Variants in SFMBT2 observed in about 807,000 individuals in gnomAD.
The protein encoded by SFMBT2 is scm-like with four MBT domains protein 2.
A neutral mutation model predicts 110.1 loss-of-function variants in SFMBT2; 38 were observed. The ratio of observed to expected loss-of-function variants is 0.35; its 90% CI spans 0.27 to 0.45. The LOEUF (loss-of-function observed/expected upper bound fraction) is 0.45. Among genes scored for constraint, SFMBT2 ranks in the 20% least tolerant of loss-of-function variants. The pLI is 1.00. For missense variants in SFMBT2, 1,011 were observed against 1,094.9 expected, an observed-to-expected ratio of 0.92 and a Z score of 1.08; for synonymous variants, 425 against 425.4, an observed-to-expected ratio of 1.00 and a Z score of 0.01.
At chr10:7,309,666 T>TG (rs34979249) in intron 4 of SFMBT2, among the ~76,000 whole-genome samples, 66,486 of 151,954 alleles carry the variant, frequency 0.44, 15,520 homozygotes, top group East Asian at 0.68. Context: ...ACCCTGAACC[T>TG]GCCCTTGTTA....
At chr10:7,237,934 T>C (rs1321258300) in intron 9 of SFMBT2, among the ~76,000 whole-genome samples, 1 of 152,124 alleles carries the variant, frequency 6.6e-6, no homozygotes, top group Admixed American at 6.5e-5. Context: ...GACAGGTGTC[T>C]GCACAGAGGG....
At chr10:7,272,466 C>A (rs1841617514) in intron 7 of SFMBT2, among the ~76,000 whole-genome samples, 1 of 152,168 alleles carries the variant, frequency 6.6e-6, no homozygotes, top group Non-Finnish European at 1.5e-5. Context: ...ATGTCCGAAA[C>A]CGGGGGGTTG....
intron 9 of SFMBT2, among the ~76,000 whole-genome samples, chr10:7,236,991 A>G (rs1199863323): frequency 6.6e-6 from 1 of 152,218 alleles, no homozygotes; most frequent in African/African-American, 2.4e-5. Flanking sequence ...CATCCTAGTG[A>G]TCAGGACCAC....
chr10:7,223,399 G>GT (rs1377112067), intron 10 of SFMBT2, among the ~76,000 whole-genome samples: 1 of 151,994 alleles, frequency 6.6e-6, no homozygotes, highest in Non-Finnish European at 1.5e-5. Flanking sequence ...TGCTGAGCAT[G>GT]TTTTTTTGTG....
chr10:7,305,367 C>T (rs1221122393), intron 4 of SFMBT2, among the ~76,000 whole-genome samples: 2 of 152,268 alleles, frequency 1.3e-5, no homozygotes, highest in East Asian at 1.9e-4. Flanking sequence ...TCAGCAGTGT[C>T]TCCCTCCCCG....
chr10:7,359,752 T>C (rs1281709701), intron 4 of SFMBT2, among the ~76,000 whole-genome samples: 1 of 152,132 alleles, frequency 6.6e-6, no homozygotes, highest in Non-Finnish European at 1.5e-5. Flanking sequence ...AATTGGAAAA[T>C]ATTCTGGACA....
chr10:7,176,367 G>T, intron 16 of SFMBT2: 1 of 657,328 alleles, frequency 1.5e-6, no homozygotes, highest in Non-Finnish European at 1.9e-6. Context: ...TGTCGTAACA[G>T]TGCTAAACCA....
At chr10:7,278,192 T>C (rs1052796500) in intron 6 of SFMBT2, among the ~76,000 whole-genome samples, 1 of 152,136 alleles carries the variant, frequency 6.6e-6, no homozygotes, top group Non-Finnish European at 1.5e-5. Context: ...TTCTTCTTAG[T>C]AGTAGCTAAC....
At chr10:7,221,606 T>C (rs1411034557) in intron 10 of SFMBT2, among the ~76,000 whole-genome samples, 2 of 151,888 alleles carry the variant, frequency 1.3e-5, no homozygotes, top group Non-Finnish European at 2.9e-5. Flanking sequence ...CATAATAGTG[T>C]AGTTCTTTTT....
At chr10:7,395,069 A>G (rs1333039666) in intron 1 of SFMBT2, among the ~76,000 whole-genome samples, 11 of 152,204 alleles carry the variant, frequency 7.2e-5, no homozygotes, top group Admixed American at 5.2e-4. Context: ...CTGTAATCCC[A>G]GCACTCTGGG....
At chr10:7,375,506 TC>T (rs1845175817) in intron 2 of SFMBT2, among the ~76,000 whole-genome samples, 1 of 152,082 alleles carries the variant, frequency 6.6e-6, no homozygotes, top group Non-Finnish European at 1.5e-5. Context: ...ATTAAGTCTT[TC>T]TTCTTGTAAA....
intron 20 of SFMBT2, among the ~76,000 whole-genome samples, chr10:7,169,437 G>A (rs1837804059): frequency 6.6e-6 from 1 of 152,172 alleles, no homozygotes; most frequent in Admixed American, 6.5e-5. Flanking sequence ...ATTGCTGCAT[G>A]AACTTGGGAG....
intron 4 of SFMBT2, among the ~76,000 whole-genome samples, chr10:7,315,060 G>GAA (rs1304514021): frequency 4.0e-4 from 55 of 137,560 alleles, no homozygotes; most frequent in Admixed American, 3.5e-3. Context: ...AAGAAAGAAA[G>GAA]AAAGAAAGAA....
intron 1 of SFMBT2, among the ~76,000 whole-genome samples, chr10:7,391,044 G>C (rs1320211516): frequency 1.3e-5 from 2 of 152,094 alleles, no homozygotes; most frequent in Non-Finnish European, 2.9e-5. Flanking sequence ...AGGTTGCAGT[G>C]AGCTGAGATC....
chr10:7,230,017 C>CTATA (rs57822891), intron 9 of SFMBT2, among the ~76,000 whole-genome samples: 14 of 148,640 alleles, frequency 9.4e-5, no homozygotes, highest in African/African-American at 2.7e-4. Context: ...CCGCCCAGCC[C>CTATA]TATATATATA....
rs1844901098 is a variant in SFMBT2 at position 7,366,401 on chromosome 10, C to T, written c.436+1248G>A. On this transcript the variant is annotated intron_variant, in intron 4 of 20. Transcript: ENST00000397167. ...GGTAATTAAAAAACCACAGGCTATT[C>T]CAAATTATCAGAAAAACAATATATC... 2.0e-5 allele frequency among the ~76,000 whole-genome samples: 3 copies of T among 149,666 alleles called. No individual in the cohort carries two copies. The South Asian group carries it at 6.4e-4, about 32-fold the overall frequency.
In SFMBT2 at chr10:7,171,912, T is replaced by G; in HGVS notation, c.2398A>C (p.Lys800Gln). ...GGCATCACCTCTGTCCCCTCGGGCT[T>G]GGTCGGCGGGCACTTCTCCCCTTCC... is the stretch of plus-strand genomic sequence containing the variant. The part of the protein sequence containing the change: ...AEEGEKCPPT[K>Q]PEGTEDTKQE... The change falls in exon 19 of 21, where the codon AAG becomes CAG. Residue 800 changes from lysine to glutamine, a missense_variant. By Grantham distance (53) the Lys-to-Gln change is moderately conservative. This residue lies in a region of SFMBT2 where 979 missense variants were observed against 1,016.1 expected (regional missense o/e 0.96). Coordinates refer to ENST00000397167, the MANE Select transcript of SFMBT2 (RefSeq NM_001387889.1). The surrounding 1 kb of genome is among the most constrained non-coding windows in gnomAD (Gnocchi z 4.9). 7.0e-7 allele frequency: 1 copy of G among 1,436,258 alleles called. No homozygotes were observed. Among genetic ancestry groups the G allele is most frequent in the Non-Finnish European group, 9.1e-7 (1 of 1,097,684 alleles). 89.0% of individuals were successfully genotyped at this position (1,436,258 alleles called of 1,614,324 possible). A position where few individuals can be genotyped will look rare whatever the true frequency, so the allele number is the denominator to read the frequency against.
chr10:7,220,428 A>G lies in SFMBT2; in HGVS notation c.1313T>C (p.Met438Thr), dbSNP rs1323415931. The part of the protein sequence containing the change: ...ASVVSVKGRL[M>T]WLHLEGLQTP... ...GTACGTACCTTCCAGGTGAAGCCACATTAGCCGCCCCTTCACACTCACAAC... is the reference window on the plus strand; with the variant it reads ...GTACGTACCTTCCAGGTGAAGCCACGTTAGCCGCCCCTTCACACTCACAAC... Residue 438 changes from methionine to threonine, a missense_variant, in exon 11 of 21, where the codon ATG (methionine) becomes ACG (threonine). By Grantham distance (81) the Met-to-Thr change is moderately conservative. This residue lies in a region of SFMBT2 where 979 missense variants were observed against 1,016.1 expected (regional missense o/e 0.96). Transcript: ENST00000397167. The G allele has an allele frequency of 1.2e-6, 2 of 1,614,012 alleles. No individual in the cohort carries two copies. The highest frequency in any genetic ancestry group is 3.3e-5 in the Admixed American group (2 of 60,010).
chr10:7,219,000 G>A (rs549469335), intron 11 of SFMBT2, among the ~76,000 whole-genome samples: 6 of 152,224 alleles, frequency 3.9e-5, no homozygotes, highest in East Asian at 1.9e-4. Context: ...TAACCATAAC[G>A]CACTAAGTAA....
Sources: gnomAD v4.1 joint callset for allele counts (sites outside exome capture counted in the v4.1 genomes callset) on GRCh38, gnomAD v4.1.1 for gene constraint, gnomAD v4.1.1 regional missense constraint, Gnocchi (gnomAD v3.1) non-coding constraint, MANE v1.5 for transcripts, NCBI Gene and HGNC (gene_info 2026-07-23, HGNC 2026-07-21) for gene names.